The following PDE10A variants were observed in gnomAD, a reference collection of about 807,000 sequenced individuals.
The protein encoded by PDE10A is cAMP and cAMP-inhibited cGMP 3',5'-cyclic phosphodiesterase 10A.
In PDE10A, 39 loss-of-function variants were observed where a neutral mutation model predicts 97.7. The observed-to-expected ratio is 0.40, with a 90% CI of 0.31 to 0.52. PDE10A has a LOEUF of 0.52. Among genes scored for constraint, PDE10A ranks in the 20% least tolerant of loss-of-function variants. The pLI, the probability that PDE10A is intolerant of heterozygous loss-of-function variation, is 0.56. For missense variants in PDE10A, 731 were observed against 1,047.8 expected, an observed-to-expected ratio of 0.70 and a Z score of 4.17; for synonymous variants, 371 against 376.8, an observed-to-expected ratio of 0.98 and a Z score of 0.18.
intron 1 of PDE10A, among the ~76,000 whole-genome samples, chr6:165,822,104 C>A (rs140934563): frequency 1.3e-5 from 2 of 152,224 alleles, no homozygotes; most frequent in African/African-American, 4.8e-5. Context: ...TAAATACAAT[C>A]GTCAGTTGCT....
chr6:165,890,083 C>A, intron 1 of PDE10A, among the ~76,000 whole-genome samples: 1 of 147,830 alleles, frequency 6.8e-6, no homozygotes, highest in Non-Finnish European at 1.5e-5. Context: ...CTCACTCACT[C>A]CTCACTCCTC....
chr6:165,606,794 T>C (rs746843140), intron 1 of PDE10A, among the ~76,000 whole-genome samples: 7 of 152,112 alleles, frequency 4.6e-5, no homozygotes, highest in Non-Finnish European at 8.8e-5. Flanking sequence ...TTGGTGTGAC[T>C]GGACCATGGA....
intron 1 of PDE10A, among the ~76,000 whole-genome samples, chr6:165,973,943 T>A (rs1472253531): frequency 6.6e-6 from 1 of 152,226 alleles, no homozygotes; most frequent in East Asian, 1.9e-4. Context: ...TGTGCACCAG[T>A]CATTGTCTGA....
intron 1 of PDE10A, among the ~76,000 whole-genome samples, chr6:165,831,829 CTTT>C (rs1779928539): frequency 6.6e-6 from 1 of 152,096 alleles, no homozygotes; most frequent in Non-Finnish European, 1.5e-5. Context: ...TCCCCCCTGC[CTTT>C]TTAATACTGT....
chr6:165,415,361 T>C (rs1241684183), intron 12 of PDE10A, among the ~76,000 whole-genome samples: 1 of 152,188 alleles, frequency 6.6e-6, no homozygotes, highest in Non-Finnish European at 1.5e-5. Context: ...TTATGTTATT[T>C]GTCTCTTAAA....
intron 1 of PDE10A, among the ~76,000 whole-genome samples, chr6:165,564,665 T>C (rs2128339928): frequency 6.6e-6 from 1 of 152,334 alleles, no homozygotes; most frequent in East Asian, 1.9e-4. Context: ...TTTTATACAA[T>C]GCCTCTCCCA....
At chr6:165,688,413 T>C (rs1791181892) in intron 1 of PDE10A, among the ~76,000 whole-genome samples, 1 of 152,170 alleles carries the variant, frequency 6.6e-6, no homozygotes, top group Non-Finnish European at 1.5e-5. Context: ...GGTACTGAAA[T>C]GGTTTCGTGG....
chr6:165,498,489 G>T (rs1235535649), intron 2 of PDE10A, among the ~76,000 whole-genome samples: 1 of 118,658 alleles, frequency 8.4e-6, no homozygotes, highest in African/African-American at 3.1e-5. Flanking sequence ...TAAGAGTTTA[G>T]CATGAAAGTG....
chr6:165,414,676 TG>T (rs1246867123), intron 12 of PDE10A, among the ~76,000 whole-genome samples: 2 of 152,370 alleles, frequency 1.3e-5, no homozygotes, highest in East Asian at 3.9e-4. Flanking sequence ...TCATTTTGCT[TG>T]TAGTACTATC....
At chr6:165,931,330 T>C (rs2128490731) in intron 1 of PDE10A, among the ~76,000 whole-genome samples, 1 of 152,312 alleles carries the variant, frequency 6.6e-6, no homozygotes, top group African/African-American at 2.4e-5. Context: ...ACCACATCTG[T>C]CTACAATAGT....
intron 3 of PDE10A, among the ~76,000 whole-genome samples, chr6:165,475,885 A>G (rs367659952): frequency 6.6e-6 from 1 of 152,284 alleles, no homozygotes; most frequent in South Asian, 2.1e-4. Flanking sequence ...GTTTCAACCA[A>G]CCTAGAGAAA....
chr6:165,492,942 G>A (rs1048951366), intron 2 of PDE10A, among the ~76,000 whole-genome samples: 1 of 152,078 alleles, frequency 6.6e-6, no homozygotes, highest in African/African-American at 2.4e-5. Flanking sequence ...AAACCCTAAA[G>A]ACTCATCCAA....
intron 11 of PDE10A, among the ~76,000 whole-genome samples, chr6:165,417,167 A>G (rs2128229714): frequency 6.6e-6 from 1 of 152,356 alleles, no homozygotes; most frequent in East Asian, 1.9e-4. Flanking sequence ...GTTCACACAA[A>G]AGAGAATCTA....
chr6:165,680,627 G>A (rs1196815396), intron 1 of PDE10A, among the ~76,000 whole-genome samples: 1 of 152,206 alleles, frequency 6.6e-6, no homozygotes, highest in East Asian at 1.9e-4. Flanking sequence ...TTACCAGCCA[G>A]GAGCGGGGGC....
chr6:165,850,486 C>T (rs1040368546), intron 1 of PDE10A, among the ~76,000 whole-genome samples: 3 of 152,172 alleles, frequency 2.0e-5, no homozygotes, highest in African/African-American at 2.4e-5. Flanking sequence ...GTACCCCTCA[C>T]ACACGGTAAA....
chr6:165,485,596 T>C (rs890631918), intron 2 of PDE10A, among the ~76,000 whole-genome samples: 2 of 146,526 alleles, frequency 1.4e-5, no homozygotes, highest in African/African-American at 5.0e-5. Flanking sequence ...ACAGCATCCT[T>C]TTTTTTTTTT....
chr6:165,873,184 T>C (rs1490918588), intron 1 of PDE10A, among the ~76,000 whole-genome samples: 1 of 152,242 alleles, frequency 6.6e-6, no homozygotes, highest in East Asian at 1.9e-4. Context: ...CCAGCTTGAA[T>C]CCAATACTCA....
At chr6:165,805,005 G>C (rs1183619765) in intron 1 of PDE10A, among the ~76,000 whole-genome samples, 1 of 147,752 alleles carries the variant, frequency 6.8e-6, no homozygotes, top group Non-Finnish European at 1.5e-5. Flanking sequence ...GCATAGGGGC[G>C]CACGGAGGGG....
chr6:165,670,273 C>T (rs1790610868), intron 1 of PDE10A, among the ~76,000 whole-genome samples: 6 of 152,200 alleles, frequency 3.9e-5, no homozygotes, highest in Admixed American at 2.6e-4. Context: ...TGTTTTATTG[C>T]ATGTAACTGA....
Sources: gnomAD v4.1 joint callset for allele counts (sites outside exome capture counted in the v4.1 genomes callset) on GRCh38, gnomAD v4.1.1 for gene constraint, MANE v1.5 for transcripts, NCBI Gene and HGNC (gene_info 2026-07-23, HGNC 2026-07-21) for gene names.